Variants in NDE1 observed in about 807,000 individuals in gnomAD.
The protein encoded by NDE1 is nuclear distribution protein nudE homolog 1.
Under a neutral mutation model 43.4 loss-of-function variants are expected in NDE1, and 28 were observed. The observed-to-expected ratio is 0.65, with a 90% CI of 0.48 to 0.89. The LOEUF is 0.89. Among genes scored for constraint, NDE1 ranks in the 40% least tolerant of loss-of-function variants. The probability of loss-of-function intolerance (pLI) is 0.00; values close to 1 mark genes in which losing one functional copy is unlikely to be tolerated. For synonymous variants in NDE1, 184 were observed against 172.0 expected, an observed-to-expected ratio of 1.07 and a Z score of -0.55; for missense variants, 441 against 434.1, an observed-to-expected ratio of 1.02 and a Z score of -0.14.
chr16:15,676,458 C>T (rs2037885480), intron 3 of NDE1, among the ~76,000 whole-genome samples: 1 of 152,046 alleles, frequency 6.6e-6, no homozygotes, highest in Non-Finnish European at 1.5e-5. Flanking sequence ...GTGATCCGCC[C>T]ACCTCAGCCC....
intron 7 of NDE1, among the ~76,000 whole-genome samples, chr16:15,696,244 G>A (rs530879172): frequency 2.6e-5 from 4 of 151,398 alleles, no homozygotes; most frequent in African/African-American, 9.7e-5. Context: ...GCATGATTGC[G>A]GATGCCTATA....
intron 8 of NDE1, chr16:15,718,845 G>T: frequency 2.5e-6 from 1 of 407,366 alleles, no homozygotes; most frequent in Non-Finnish European, 4.6e-6. Flanking sequence ...TGGGGGTCCA[G>T]GGCCAGGCAC....
Position 15,664,746 on chromosome 16 carries a change from A to G in NDE1, c.-33A>G, listed in dbSNP as rs761610841. 5 of 1,499,008 alleles carry G rather than the reference A, an allele frequency of 3.3e-6. No homozygotes were observed. Among genetic ancestry groups the G allele is most frequent in the Non-Finnish European group, 4.6e-6 (5 of 1,075,816 alleles). The allele number at this position is 1,499,008 out of a possible 1,614,324, so 92.9% of individuals were successfully genotyped here. The stretch of plus-strand genomic sequence containing the variant: ...AACCTTCTCTCCTAGACACCATGCC[A>G]CAAGGAGAGTGATCTCTTCCCCTGT... On this transcript the variant is annotated 5_prime_UTR_variant, in exon 2 of 9. Coordinates refer to ENST00000396354, the MANE Select transcript of NDE1 (RefSeq NM_017668.3).
chr16:15,693,443 T>TTA (rs1272614203), intron 6 of NDE1, among the ~76,000 whole-genome samples: 1 of 152,186 alleles, frequency 6.6e-6, no homozygotes, highest in African/African-American at 2.4e-5. Flanking sequence ...ACAGATGCCA[T>TTA]TATGTTAATT....
At chr16:15,720,567 G>A (rs2040411966) in intron 8 of NDE1, among the ~76,000 whole-genome samples, 1 of 151,430 alleles carries the variant, frequency 6.6e-6, no homozygotes, top group Non-Finnish European at 1.5e-5. Flanking sequence ...TGGCCAACAT[G>A]GTGAAACCTT....
At chr16:15,702,175 GT>G (rs1266809097) in intron 8 of NDE1, 1 of 152,232 alleles carries the variant, frequency 6.6e-6, no homozygotes, top group Non-Finnish European at 1.5e-5. Flanking sequence ...ATCCCATGGA[GT>G]TGGTGGTATA....
chr16:15,724,416 G>A lies in NDE1; in HGVS notation c.*165G>A, dbSNP rs752531899. On this transcript the variant is annotated 3_prime_UTR_variant, in exon 9 of 9. Coordinates refer to ENST00000396354, the MANE Select transcript of NDE1 (RefSeq NM_017668.3). ...TCTTCTTCGAGTCGGAGAGCTACAA[G>A]GACAGCGTCCAGGGTAGGGTGAGAG... 7 of 1,613,768 alleles carry A rather than the reference G, an allele frequency of 4.3e-6. No individual in the cohort carries two copies. The highest frequency in any genetic ancestry group is 4.2e-6 in the Non-Finnish European group (5 of 1,180,044).
At chr16:15,678,070 G>A in intron 4 of NDE1, 121 bp downstream of exon 4, 1 of 1,277,496 alleles carries the variant, frequency 7.8e-7, no homozygotes, top group South Asian at 1.2e-5. Flanking sequence ...AACAAAGCCA[G>A]TGCCCTTCTG....
intron 1 of NDE1, among the ~76,000 whole-genome samples, chr16:15,644,454 C>T (rs192354872): frequency 6.8e-4 from 103 of 152,284 alleles, no homozygotes; most frequent in Middle Eastern, 3.4e-3. Context: ...ACATCCTCTC[C>T]CTGCGTAGGT....
Position 15,696,728 on chromosome 16 carries a change from C to A in NDE1, c.815C>A (p.Ala272Asp), listed in dbSNP as rs1567660132. 1 of 1,614,204 alleles carries A rather than the reference C, an allele frequency of 6.2e-7. No homozygotes were observed. Among genetic ancestry groups the A allele is most frequent in the Middle Eastern group, 1.6e-4 (1 of 6,062 alleles). Residue 272 changes from alanine (A) to aspartate (D), a missense_variant, in exon 8 of 9, where the codon GCT (alanine) becomes GAT (aspartate). Ala to Asp is a moderately radical substitution (Grantham distance 126). Coordinates refer to ENST00000396354, the MANE Select transcript of NDE1 (RefSeq NM_017668.3). ...RKVGALESKLASCRNLVYDQS... is the reference protein window; with the variant it reads ...RKVGALESKLDSCRNLVYDQS... ...GTCCAGGCACTGGAGTCCAAACTCG[C>A]TTCCTGCCGGAACCTCGTGTACGAT...
At chr16:15,714,705 T>G in intron 8 of NDE1, 1 of 664,276 alleles carries the variant, frequency 1.5e-6, no homozygotes, top group South Asian at 1.8e-5. Flanking sequence ...GAAGGTTAGC[T>G]GCTACCAGGC....
chr16:15,666,061 C>A (rs911390537), intron 2 of NDE1, among the ~76,000 whole-genome samples: 4 of 152,006 alleles, frequency 2.6e-5, no homozygotes, highest in Admixed American at 1.3e-4. Context: ...CGGTGTCCAT[C>A]TTATTTTCTA....
At chr16:15,647,330 G>C (rs1449703880), upstream of NDE1, among the ~76,000 whole-genome samples, 1 of 152,200 alleles carries the variant, frequency 6.6e-6, no homozygotes, top group African/African-American at 2.4e-5. Context: ...CTCTAGCATA[G>C]TGCTGAAGAA....
chr16:15,711,512 A>C (rs1450528389), intron 8 of NDE1, among the ~76,000 whole-genome samples: 2 of 152,196 alleles, frequency 1.3e-5, no homozygotes, highest in Non-Finnish European at 2.9e-5. Context: ...TTAAAAATAT[A>C]GAGGAGGTAT....
chr16:15,722,291 C>T (rs922610010), intron 8 of NDE1, among the ~76,000 whole-genome samples: 1 of 152,168 alleles, frequency 6.6e-6, no homozygotes, highest in Non-Finnish European at 1.5e-5. Context: ...TAATATCTTA[C>T]AAAAGTATCC....
intron 1 of NDE1, among the ~76,000 whole-genome samples, chr16:15,658,745 C>T (rs1799723338): frequency 6.6e-6 from 1 of 152,170 alleles, no homozygotes; most frequent in Admixed American, 6.6e-5. Flanking sequence ...CAACCTCTGG[C>T]TCCCGGGTTC....
intron 8 of NDE1, chr16:15,703,032 T>TTCCC: frequency 5.8e-6 from 1 of 171,898 alleles, no homozygotes; most frequent in Non-Finnish European, 1.3e-5. Flanking sequence ...ATTCATGACG[T>TTCCC]TAACCCTGAC....
intron 3 of NDE1, among the ~76,000 whole-genome samples, chr16:15,674,998 G>A (rs1341499080): frequency 1.3e-5 from 2 of 152,156 alleles, no homozygotes; most frequent in East Asian, 3.9e-4. Flanking sequence ...AGAGGTCCAT[G>A]TGGCTTTCTT....
At chr16:15,715,340 T>C in intron 8 of NDE1, 2 of 1,495,610 alleles carry the variant, frequency 1.3e-6, no homozygotes. Context: ...GTGTGTCACC[T>C]GGAGGTGGCA....
Sources: allele counts gnomAD v4.1 joint callset (sites outside exome capture counted in the v4.1 genomes callset), GRCh38; gene constraint gnomAD v4.1.1; transcripts MANE v1.5; gene names NCBI Gene and HGNC (gene_info 2026-07-23, HGNC 2026-07-21).